The following CDH20 variants were observed in gnomAD, a reference collection of about 807,000 sequenced individuals.
CDH20 encodes the protein cadherin 20, also known as cadherin-20.
In CDH20, 29 loss-of-function variants were observed where a neutral mutation model predicts 74.2. That is an observed-to-expected ratio of 0.39 (90% CI 0.29 to 0.53). CDH20 has a LOEUF of 0.53. Among genes scored for constraint, CDH20 ranks in the 20% least tolerant of loss-of-function variants. CDH20 has a pLI of 0.69. For synonymous variants in CDH20, 469 were observed against 405.4 expected (o/e 1.16, Z -1.88); for missense variants, 988 against 1,048.3 (o/e 0.94, Z 0.79).
chr18:61,428,635 T>C (rs1431766653), intron 1 of CDH20, among the ~76,000 whole-genome samples: 1 of 152,232 alleles, frequency 6.6e-6, no homozygotes, highest in African/African-American at 2.4e-5. Context: ...CCATTGTGCC[T>C]GCCTCATTTC....
intron 1 of CDH20, among the ~76,000 whole-genome samples, chr18:61,414,648 G>A (rs1409365109): frequency 2.6e-5 from 4 of 151,920 alleles, no homozygotes; most frequent in Admixed American, 6.6e-5. Flanking sequence ...TAAAAATGTG[G>A]AGAACACCTA....
intron 1 of CDH20, among the ~76,000 whole-genome samples, chr18:61,406,465 G>A (rs1912333531): frequency 6.6e-6 from 1 of 152,252 alleles, no homozygotes. Flanking sequence ...GATGGGGTGA[G>A]ACTGGACAGA....
intron 1 of CDH20, among the ~76,000 whole-genome samples, chr18:61,485,366 G>A (rs1213673268): frequency 6.6e-6 from 1 of 152,138 alleles, no homozygotes; most frequent in Non-Finnish European, 1.5e-5. Context: ...AAGCAGGTGA[G>A]AGTTAGGTAG....
intron 1 of CDH20, among the ~76,000 whole-genome samples, chr18:61,406,391 A>G (rs919163894): frequency 3.3e-5 from 5 of 152,210 alleles, no homozygotes; most frequent in Non-Finnish European, 7.3e-5. Flanking sequence ...ACAAATATGC[A>G]TCAAGCACCT....
intron 1 of CDH20, among the ~76,000 whole-genome samples, chr18:61,352,346 C>A (rs947321964): frequency 3.9e-5 from 6 of 152,174 alleles, no homozygotes; most frequent in Non-Finnish European, 8.8e-5. Flanking sequence ...CCTGGGGATG[C>A]ACTCAGAACT....
intron 1 of CDH20, among the ~76,000 whole-genome samples, chr18:61,460,307 A>G (rs1383273975): frequency 6.6e-6 from 1 of 152,228 alleles, no homozygotes; most frequent in Non-Finnish European, 1.5e-5. Flanking sequence ...CACATCTCAG[A>G]GCCATCTTGG....
At chr18:61,371,227 C>G (rs1244705063) in intron 1 of CDH20, among the ~76,000 whole-genome samples, 8 of 152,078 alleles carry the variant, frequency 5.3e-5, no homozygotes. Flanking sequence ...CATCAGAGCG[C>G]TTTCACTTGT....
intron 1 of CDH20, among the ~76,000 whole-genome samples, chr18:61,469,392 C>T (rs1164800383): frequency 6.6e-6 from 1 of 151,708 alleles, no homozygotes; most frequent in Non-Finnish European, 1.5e-5. Flanking sequence ...CACACACACA[C>T]ACACACACAC....
chr18:61,366,680 T>C (rs1162817645), intron 1 of CDH20, among the ~76,000 whole-genome samples: 1 of 152,164 alleles, frequency 6.6e-6, no homozygotes, highest in African/African-American at 2.4e-5. Context: ...CAAATTAGTC[T>C]AGAAAAATTT....
chr18:61,506,689 C>A (rs1911575576), intron 5 of CDH20, among the ~76,000 whole-genome samples: 1 of 152,090 alleles, frequency 6.6e-6, no homozygotes, highest in Non-Finnish European at 1.5e-5. Flanking sequence ...AAGGAGATGT[C>A]CAACTCTGAG....
rs199907773 is a variant in CDH20, at chr18:61,524,535, G to GA, written c.1018-3425dup. Among the ~76,000 whole-genome samples the GA allele has an allele frequency of 8.3e-3, 1,261 of 152,128 alleles. 26 individuals are homozygous for GA. The highest frequency in any genetic ancestry group is 0.029 in the African/African-American group (1,210 of 41,516). The stretch of plus-strand genomic sequence containing the variant: ...GTTTACTCATAACCGTCAGAAATTG[G>GA]AAAAAAACACAAATGTATCTCTAGT... On this transcript the variant is annotated intron_variant, in intron 6 of 11. Transcript: ENST00000262717.
chr18:61,433,864 A>G (rs887844414), intron 1 of CDH20, among the ~76,000 whole-genome samples: 1 of 152,190 alleles, frequency 6.6e-6, no homozygotes, highest in African/African-American at 2.4e-5. Context: ...CCCAAGAAAC[A>G]GTATAGAAAA....
At chr18:61,551,842 C>T (rs1913447655) in intron 11 of CDH20, among the ~76,000 whole-genome samples, 1 of 152,108 alleles carries the variant, frequency 6.6e-6, no homozygotes, top group South Asian at 2.1e-4. Context: ...TCGCCCTGGC[C>T]CACAAAAAGC....
chr18:61,497,810 C>G (rs1053406060), intron 2 of CDH20, among the ~76,000 whole-genome samples: 57 of 145,650 alleles, frequency 3.9e-4, no homozygotes, highest in African/African-American at 1.3e-3. Context: ...GATATATTGG[C>G]CTCCCTGCCC....
intron 1 of CDH20, among the ~76,000 whole-genome samples, chr18:61,339,868 T>C (rs111401755): frequency 0.19 from 28,043 of 151,554 alleles, 3,210 homozygotes; most frequent in Admixed American, 0.33. Flanking sequence ...TTTTTTGCAT[T>C]TTTAGTAGAG....
At chr18:61,379,870 T>G (rs932011066) in intron 1 of CDH20, among the ~76,000 whole-genome samples, 1 of 152,186 alleles carries the variant, frequency 6.6e-6, no homozygotes, top group African/African-American at 2.4e-5. Flanking sequence ...ATGGTTTCAT[T>G]TGGATTTTAA....
chr18:61,401,136 G>T (rs1017905224), intron 1 of CDH20, among the ~76,000 whole-genome samples: 2 of 152,196 alleles, frequency 1.3e-5, no homozygotes, highest in African/African-American at 4.8e-5. Flanking sequence ...ATGAGAAGAG[G>T]CACTAATCAT....
intron 1 of CDH20, among the ~76,000 whole-genome samples, chr18:61,409,375 G>A (rs2144243895): frequency 6.6e-6 from 1 of 152,250 alleles, no homozygotes. Flanking sequence ...CTGAGCCTGG[G>A]ACAGGCTCCT....
chr18:61,369,469 G>A (rs548033393), intron 1 of CDH20, among the ~76,000 whole-genome samples: 1 of 152,124 alleles, frequency 6.6e-6, no homozygotes, highest in Non-Finnish European at 1.5e-5. Flanking sequence ...TATATACTGA[G>A]CATCATAGTT....
Sources: allele counts gnomAD v4.1 joint callset (sites outside exome capture counted in the v4.1 genomes callset), GRCh38; gene constraint gnomAD v4.1.1; transcripts MANE v1.5; gene names NCBI Gene and HGNC (gene_info 2026-07-23, HGNC 2026-07-21).